Variants in EXD3 observed in about 807,000 individuals in gnomAD.
The protein encoded by EXD3 is exonuclease mut-7 homolog.
Under a neutral mutation model 98.0 loss-of-function variants are expected in EXD3, and 92 were observed. That is an observed-to-expected ratio of 0.94 (90% CI 0.79 to 1.12). The LOEUF (loss-of-function observed/expected upper bound fraction) is 1.12. Among genes scored for constraint, EXD3 ranks in the 50% most tolerant of loss-of-function variants. EXD3 has a pLI of 0.00. For synonymous variants in EXD3, 569 were observed against 526.0 expected (o/e 1.08, Z -1.12); for missense variants, 1,222 against 1,191.6 (o/e 1.03, Z -0.38).
chr9:137,310,151 G>A (rs1482057629), intron 19 of EXD3, among the ~76,000 whole-genome samples: 1 of 152,236 alleles, frequency 6.6e-6, no homozygotes, highest in African/African-American at 2.4e-5. Flanking sequence ...GCCTCCCACT[G>A]CCCTGGGGCA....
chr9:137,347,470 G>T lies in EXD3; in HGVS notation c.1998+601C>A, dbSNP rs996869013. ...TTTTTTCTTTTTTTTTTAAGATGGA[G>T]TCTTGCTCTGTCAGCCAGGCTGGAG... On this transcript the variant is annotated intron_variant, in intron 17 of 21. Coordinates refer to ENST00000340951, the MANE Select transcript of EXD3 (RefSeq NM_017820.5). The surrounding 1 kb of genome is among the most constrained non-coding windows in gnomAD (Gnocchi z 4.2). Among the ~76,000 whole-genome samples the T allele has an allele frequency of 2.0e-5, 3 of 151,722 alleles. No individual in the cohort carries two copies. Among genetic ancestry groups the T allele is most frequent in the Non-Finnish European group, 4.4e-5 (3 of 67,968 alleles).
At position 137,358,686 on chromosome 9, in the gene EXD3, T is replaced by A. The variant is rs936577868; in HGVS notation, c.657-2318A>T. Among the ~76,000 whole-genome samples, 31 of 152,260 alleles carry A rather than the reference T, an allele frequency of 2.0e-4. 1 individual carries two copies. Among genetic ancestry groups the A allele is most frequent in the Middle Eastern group, 3.4e-3 (1 of 294 alleles). ...CTGTAACTCCTACTTAAAACTTTTT[T>A]AAAATTAAATGTATATATTTGACAC... On this transcript the variant is annotated intron_variant, in intron 7 of 21. Transcript: ENST00000340951.
At chr9:137,330,802 A>G (rs1241163397) in intron 17 of EXD3, among the ~76,000 whole-genome samples, 1 of 152,256 alleles carries the variant, frequency 6.6e-6, no homozygotes, top group African/African-American at 2.4e-5. Context: ...GGCCCCAATT[A>G]AAGAACAAGG....
Position 137,393,852 on chromosome 9 carries a change from G to C in EXD3, c.55+1451C>G, listed in dbSNP as rs1837069344. Among the ~76,000 whole-genome samples, 1 of 152,156 alleles carries C rather than the reference G, an allele frequency of 6.6e-6. No homozygotes were observed. The highest frequency in any genetic ancestry group is 2.1e-4 in the South Asian group (1 of 4,836). ...GGCAGTAAACCCACAACAAACTGAG[G>C]GCCTGCAGCCCAGGGCGAGGCGGCT... On this transcript the variant is annotated intron_variant, in intron 2 of 21. Coordinates refer to ENST00000340951, the MANE Select transcript of EXD3 (RefSeq NM_017820.5). This position sits in a 1 kb window ranked among gnomAD's most constrained non-coding sequence, Gnocchi z 4.6.
rs1273081663 is a variant in EXD3 at position 137,347,726 on chromosome 9, G to A, written c.1998+345C>T. Among the ~76,000 whole-genome samples the A allele has an allele frequency of 6.6e-6, 1 of 152,164 alleles. No individual in the cohort carries two copies. Among genetic ancestry groups the A allele is most frequent in the Non-Finnish European group, 1.5e-5 (1 of 68,034 alleles). On this transcript the variant is annotated intron_variant, in intron 17 of 21. Coordinates refer to ENST00000340951, the MANE Select transcript of EXD3 (RefSeq NM_017820.5). The surrounding 1 kb of genome is among the most constrained non-coding windows in gnomAD (Gnocchi z 4.2). ...CCCAAGGTGCTGGGATTATAGGCATGAGCCACTGCGTCCGGCCCCATTTCT... is the reference window on the plus strand; with the variant it reads ...CCCAAGGTGCTGGGATTATAGGCATAAGCCACTGCGTCCGGCCCCATTTCT...
At chr9:137,383,936 G>A (rs1211716476) in intron 2 of EXD3, among the ~76,000 whole-genome samples, 5 of 152,248 alleles carry the variant, frequency 3.3e-5, no homozygotes, top group African/African-American at 4.8e-5. Flanking sequence ...AGCGAGACCC[G>A]AGGGAGGTTT....
chr9:137,373,327 G>A (rs1040276685), intron 4 of EXD3, 99 bp downstream of exon 4: 1 of 1,408,944 alleles, frequency 7.1e-7, no homozygotes, highest in African/African-American at 1.4e-5. Flanking sequence ...CTGGCTTGCT[G>A]AGCGGGCTGC....
At position 137,393,996 on chromosome 9, in the gene EXD3, C is replaced by T. The variant is rs1229135488; in HGVS notation, c.55+1307G>A. 6.6e-6 allele frequency among the ~76,000 whole-genome samples: 1 copy of T among 152,162 alleles called. No homozygotes were observed. Among genetic ancestry groups the T allele is most frequent in the Non-Finnish European group, 1.5e-5 (1 of 68,002 alleles). ...ACAAAGCCATGGCCCCGGACAGCTC[C>T]CACTGGGGCCGAGCCCCTGCCAGGA... On this transcript the variant is annotated intron_variant, in intron 2 of 21. Coordinates refer to ENST00000340951, the MANE Select transcript of EXD3 (RefSeq NM_017820.5). This position sits in a 1 kb window ranked among gnomAD's most constrained non-coding sequence, Gnocchi z 4.6.
intron 1 of EXD3, among the ~76,000 whole-genome samples, chr9:137,413,199 A>AC (rs2131829280): frequency 6.7e-6 from 1 of 149,810 alleles, no homozygotes; most frequent in South Asian, 2.1e-4. Flanking sequence ...CCACTATCCA[A>AC]CTCCAGAACT....
chr9:137,321,498 C>T (rs1832030454), intron 19 of EXD3, among the ~76,000 whole-genome samples: 1 of 152,218 alleles, frequency 6.6e-6, no homozygotes, highest in South Asian at 2.1e-4. Context: ...GCCTGACCAA[C>T]ATGGTGAAAC....
chr9:137,366,537 C>T lies in EXD3; in HGVS notation c.612G>A (p.Met204Ile). Reference protein sequence around the residue: ...PDLQRRLLVLMDSWCQPGFDI... With the variant: ...PDLQRRLLVLIDSWCQPGFDI... ...CAAAGCCGGGCTGGCACCAGGAATC[C>T]ATGAGGACCAGCAGCCTCCTCTGGA... Residue 204 changes from methionine (M) to isoleucine (I), a missense_variant, in exon 7 of 22, where the codon ATG becomes ATA. Coordinates refer to ENST00000340951, the MANE Select transcript of EXD3 (RefSeq NM_017820.5). 1.3e-6 allele frequency: 2 copies of T among 1,551,646 alleles called. No individual in the cohort carries two copies. The highest frequency in any genetic ancestry group is 2.4e-5 in the East Asian group (1 of 40,986).
chr9:137,347,208 G>A lies in EXD3; in HGVS notation c.1998+863C>T, dbSNP rs1376470534. Among the ~76,000 whole-genome samples the A allele has an allele frequency of 1.3e-5, 2 of 152,184 alleles. No individual in the cohort carries two copies. Among genetic ancestry groups the A allele is most frequent in the African/African-American group, 4.8e-5 (2 of 41,442 alleles). ...CCAGAAGTCCGGTGGACTCAACCAGGTTCTCTGCTCAGGGTCTCATGGCTG... is the reference window on the plus strand; with the variant it reads ...CCAGAAGTCCGGTGGACTCAACCAGATTCTCTGCTCAGGGTCTCATGGCTG... On this transcript the variant is annotated intron_variant, in intron 17 of 21. Transcript: ENST00000340951. The surrounding 1 kb of genome is among the most constrained non-coding windows in gnomAD (Gnocchi z 4.2).
chr9:137,373,455 G>GT lies in EXD3; in HGVS notation c.264dup (p.Gln89ThrfsTer28), dbSNP rs773080474. ...GCCAGGCTCGGGCATGGCTGTGCCTGTAGCCAGCACTGCAGCTGGTGGGAG... is the reference window on the plus strand; with the variant it reads ...GCCAGGCTCGGGCATGGCTGTGCCTGTTAGCCAGCACTGCAGCTGGTGGGAG... On this transcript the variant is annotated frameshift_variant, in exon 4 of 22. Transcript: ENST00000340951. LOFTEE classifies it high-confidence loss of function. The GT allele has an allele frequency of 1.4e-5, 23 of 1,608,922 alleles. No individual in the cohort carries two copies. The Admixed American group carries it at 1.5e-4, about 11-fold the overall frequency.
rs563761495 is a variant in EXD3 at position 137,346,238 on chromosome 9, CAAAAAAAAAAAA to C, written c.1998+1821_1998+1832del. On this transcript the variant is annotated intron_variant, in intron 17 of 21. Coordinates refer to ENST00000340951, the MANE Select transcript of EXD3 (RefSeq NM_017820.5). ...TGGGAGACAGAGCAAGACTCCGTCT[CAAAAAAAAAAAA>C]AAAAAAAAAAAAAAAAATTCACTCC... is the stretch of plus-strand genomic sequence containing the variant. Among the ~76,000 whole-genome samples the C allele has an allele frequency of 2.6e-3, 35 of 13,618 alleles. 1 individual carries two copies. In the South Asian group the frequency reaches 0.044, roughly 17 times the overall value. 8.9% of individuals were successfully genotyped at this position (13,618 alleles called of 152,430 possible). A position where few individuals can be genotyped will look rare whatever the true frequency, so the allele number is the denominator to read the frequency against.
In EXD3 at chr9:137,359,543, T is replaced by G. The variant is rs187826701; in HGVS notation, c.657-3175A>C. Among the ~76,000 whole-genome samples, 523 of 83,554 alleles carry G rather than the reference T, an allele frequency of 6.3e-3. 178 individuals carry two copies. The highest frequency in any genetic ancestry group is 1.7e-3 in the East Asian group (2 of 1,156). The allele number at this position is 83,554 out of a possible 152,430, so 54.8% of individuals were successfully genotyped here. ...ACAGAGTGAGACCCTGTCTCTAAAG[T>G]AAAATGTAAATAAAGGACATTCCAG... is the stretch of plus-strand genomic sequence containing the variant. On this transcript the variant is annotated intron_variant, in intron 7 of 21. Coordinates refer to ENST00000340951, the MANE Select transcript of EXD3 (RefSeq NM_017820.5).
At chr9:137,378,596 G>A (rs184842878) in intron 3 of EXD3, among the ~76,000 whole-genome samples, 1 of 152,348 alleles carries the variant, frequency 6.6e-6, no homozygotes, top group African/African-American at 2.4e-5. Context: ...GCCAGAGGTG[G>A]AGATGGCGCA....
At chr9:137,350,250 T>A (rs1244341904) in intron 14 of EXD3, among the ~76,000 whole-genome samples, 17 of 55,436 alleles carry the variant, frequency 3.1e-4, no homozygotes, top group African/African-American at 1.7e-3. Context: ...GGGATGGGGA[T>A]CACGGGGAAG....
chr9:137,414,493 T>C (rs1838147481), intron 1 of EXD3, among the ~76,000 whole-genome samples: 1 of 152,176 alleles, frequency 6.6e-6, no homozygotes, highest in Non-Finnish European at 1.5e-5. Flanking sequence ...AGCTGCTGAG[T>C]CTCGGTGTTT....
intron 1 of EXD3, among the ~76,000 whole-genome samples, chr9:137,417,081 C>T (rs1449098089): frequency 1.3e-5 from 2 of 152,218 alleles, no homozygotes; most frequent in Non-Finnish European, 2.9e-5. Flanking sequence ...GAGAGGGCGA[C>T]CCTCGTGACG....
Sources: gnomAD v4.1 joint callset for allele counts (sites outside exome capture counted in the v4.1 genomes callset) on GRCh38, gnomAD v4.1.1 for gene constraint, Gnocchi (gnomAD v3.1) non-coding constraint, MANE v1.5 for transcripts, NCBI Gene and HGNC (gene_info 2026-07-23, HGNC 2026-07-21) for gene names.